The following GABBR2 variants were observed in gnomAD, a reference collection of about 807,000 sequenced individuals.
GABBR2 encodes G-protein coupled receptor 51.
Under a neutral mutation model 105.6 loss-of-function variants are expected in GABBR2, and 23 were observed. The ratio of observed to expected loss-of-function variants is 0.22; its 90% CI spans 0.16 to 0.31. The LOEUF is 0.31. Among genes scored for constraint, GABBR2 ranks in the 10% least tolerant of loss-of-function variants. GABBR2 has a pLI of 1.00. For missense variants in GABBR2, 734 were observed against 1,245.5 expected, an observed-to-expected ratio of 0.59 and a Z score of 6.18; for synonymous variants, 478 against 499.7, an observed-to-expected ratio of 0.96 and a Z score of 0.58.
In GABBR2 at chr9:98,708,890, A is replaced by G; in HGVS notation, c.-153T>C. 1 of 249,976 alleles carries G rather than the reference A, an allele frequency of 4.0e-6. No homozygotes were observed. The highest frequency in any genetic ancestry group is 5.5e-6 in the Non-Finnish European group (1 of 181,624). The allele number at this position is 249,976 out of a possible 1,614,324, so 15.5% of individuals were successfully genotyped here. A position where few individuals can be genotyped will look rare whatever the true frequency, so the allele number is the denominator to read the frequency against. ...GGCTAGGGTTCCGGCTCGGCTCAGA[A>G]CGGCCGCGGCGGCGGCGGCGGCAGC... On this transcript the variant is annotated 5_prime_UTR_variant, in exon 1 of 19. Coordinates refer to ENST00000259455, the MANE Select transcript of GABBR2 (RefSeq NM_005458.8).
rs76231960 is a variant in GABBR2, at chr9:98,604,093, G to A, written c.322-26021C>T. On this transcript the variant is annotated intron_variant, in intron 1 of 18. Coordinates refer to ENST00000259455, the MANE Select transcript of GABBR2 (RefSeq NM_005458.8). ...GCTTTTCAAAGATGCAGACCACTGC[G>A]TCAGAACCACCTGGGGGCTTGGTAA... Among the ~76,000 whole-genome samples the A allele has an allele frequency of 7.8e-4, 119 of 152,336 alleles. 1 individual carries two copies. In the East Asian group the frequency reaches 0.015, roughly 20 times the overall value.
At chr9:98,551,743 G>GGTGA (rs1564111990) in intron 2 of GABBR2, among the ~76,000 whole-genome samples, 1 of 152,164 alleles carries the variant, frequency 6.6e-6, no homozygotes, top group Non-Finnish European at 1.5e-5. Flanking sequence ...AGAGAGAAGT[G>GGTGA]GTGAGCTCAT....
intron 1 of GABBR2, among the ~76,000 whole-genome samples, chr9:98,579,252 T>C (rs10986816): frequency 0.21 from 32,095 of 152,118 alleles, 3,788 homozygotes; most frequent in African/African-American, 0.32. Context: ...AACATAAAAA[T>C]TGGATGCAGC....
intron 13 of GABBR2, among the ~76,000 whole-genome samples, chr9:98,348,289 T>C (rs145300191): frequency 0.012 from 1,811 of 152,344 alleles, 35 homozygotes; most frequent in African/African-American, 0.042. Context: ...GTTCCGTTGG[T>C]CTATGGTCTG....
chr9:98,344,638 C>A (rs1036006278), intron 13 of GABBR2, among the ~76,000 whole-genome samples: 2 of 152,156 alleles, frequency 1.3e-5, no homozygotes, highest in Non-Finnish European at 2.9e-5. Context: ...CCTGTCCCCT[C>A]ACCAGTGATG....
rs533239205 is a variant in GABBR2, at chr9:98,691,575, CTGAT to C, written c.321+16838_321+16841del. Among the ~76,000 whole-genome samples the C allele has an allele frequency of 5.4e-3, 817 of 152,324 alleles. 3 individuals carry two copies. The highest frequency in any genetic ancestry group is 8.6e-3 in the Non-Finnish European group (586 of 68,042). On this transcript the variant is annotated intron_variant, in intron 1 of 18. Transcript: ENST00000259455. ...ACTTTGCGGAGGCCCTTGGTGAGCA[CTGAT>C]TGATTAAGAAATGTGCTTTCAGACA...
At chr9:98,386,659 A>C (rs1218462810) in intron 10 of GABBR2, among the ~76,000 whole-genome samples, 2 of 152,182 alleles carry the variant, frequency 1.3e-5, no homozygotes, top group African/African-American at 4.8e-5. Context: ...CAGCACAATC[A>C]GCTCAGAAGG....
chr9:98,562,209 T>C (rs1332327371), intron 2 of GABBR2, among the ~76,000 whole-genome samples: 3 of 152,092 alleles, frequency 2.0e-5, no homozygotes, highest in Non-Finnish European at 4.4e-5. Flanking sequence ...TTGCCAAAAC[T>C]CATGAATCTA....
chr9:98,324,537 C>G (rs1333080587), intron 13 of GABBR2, among the ~76,000 whole-genome samples: 2 of 128,984 alleles, frequency 1.6e-5, no homozygotes, highest in Admixed American at 1.6e-4. Flanking sequence ...CACACACACA[C>G]ACACAGAGTA....
At chr9:98,436,509 G>T (rs1316147655) in intron 7 of GABBR2, among the ~76,000 whole-genome samples, 2 of 147,822 alleles carry the variant, frequency 1.4e-5, no homozygotes, top group African/African-American at 5.0e-5. Flanking sequence ...GCAACCCAGT[G>T]AGGGGTCCCT....
At chr9:98,480,248 G>A (rs1398268386) in intron 5 of GABBR2, among the ~76,000 whole-genome samples, 1 of 152,094 alleles carries the variant, frequency 6.6e-6, no homozygotes, top group Admixed American at 6.5e-5. Flanking sequence ...AATGGAAACT[G>A]ACTTAGTTCC....
At chr9:98,679,513 G>A (rs1280473489) in intron 1 of GABBR2, among the ~76,000 whole-genome samples, 1 of 152,214 alleles carries the variant, frequency 6.6e-6, no homozygotes, top group Admixed American at 6.5e-5. Context: ...GAATTTCTAT[G>A]AAAAGGGCTG....
intron 3 of GABBR2, among the ~76,000 whole-genome samples, chr9:98,539,181 C>A (rs1052609876): frequency 6.6e-6 from 1 of 152,204 alleles, no homozygotes; most frequent in African/African-American, 2.4e-5. Context: ...GGGCAAGAGA[C>A]CTCCCACCCT....
At chr9:98,365,470 A>G (rs1473650275) in intron 12 of GABBR2, among the ~76,000 whole-genome samples, 1 of 152,256 alleles carries the variant, frequency 6.6e-6, no homozygotes, top group Non-Finnish European at 1.5e-5. Context: ...CGTGGTGGGA[A>G]GATGCTGAGA....
chr9:98,615,104 G>C (rs1245642973), intron 1 of GABBR2, among the ~76,000 whole-genome samples: 1 of 152,190 alleles, frequency 6.6e-6, no homozygotes, highest in Non-Finnish European at 1.5e-5. Context: ...GGTCAGCCCT[G>C]GGCTGGCTGG....
At chr9:98,381,962 A>G (rs1384891912) in intron 11 of GABBR2, among the ~76,000 whole-genome samples, 33 of 152,130 alleles carry the variant, frequency 2.2e-4, no homozygotes, top group Admixed American at 2.2e-3. Context: ...TGGTTGTTGA[A>G]TTCAGGTCAA....
intron 3 of GABBR2, among the ~76,000 whole-genome samples, chr9:98,509,471 C>T (rs143066764): frequency 0.12 from 17,582 of 152,054 alleles, 1,653 homozygotes; most frequent in East Asian, 0.5. Context: ...CAAACTACTC[C>T]GAGCTACAGG....
intron 6 of GABBR2, among the ~76,000 whole-genome samples, chr9:98,456,130 G>A (rs958156646): frequency 6.6e-6 from 1 of 151,916 alleles, no homozygotes; most frequent in African/African-American, 2.4e-5. Context: ...ATGCCCGCTG[G>A]CTCTTGAAGC....
chr9:98,563,395 G>T (rs986753176), intron 2 of GABBR2, among the ~76,000 whole-genome samples: 11 of 152,202 alleles, frequency 7.2e-5, no homozygotes, highest in African/African-American at 2.7e-4. Flanking sequence ...CATGCTGTGG[G>T]CAGCGAGGGT....
Sources: gnomAD v4.1 joint callset for allele counts (sites outside exome capture counted in the v4.1 genomes callset) on GRCh38, gnomAD v4.1.1 for gene constraint, MANE v1.5 for transcripts, NCBI Gene and HGNC (gene_info 2026-07-23, HGNC 2026-07-21) for gene names.